Variants in GPC6 observed in about 807,000 individuals in gnomAD.
The protein encoded by GPC6 is glypican-6.
A neutral mutation model predicts 55.2 loss-of-function variants in GPC6; 14 were observed. That is an observed-to-expected ratio of 0.25 (90% CI 0.17 to 0.40). The LOEUF is 0.40. Ranked by LOEUF, GPC6 falls within the 10% of genes least tolerant of loss-of-function variation. The probability of loss-of-function intolerance (pLI) is 1.00; values close to 1 mark genes in which losing one functional copy is unlikely to be tolerated. For synonymous variants in GPC6, 278 were observed against 259.6 expected, an observed-to-expected ratio of 1.07 and a Z score of -0.68; for missense variants, 641 against 708.5, an observed-to-expected ratio of 0.90 and a Z score of 1.08.
chr13:94,372,401 G>A (rs1166937590), intron 6 of GPC6, among the ~76,000 whole-genome samples: 23 of 152,240 alleles, frequency 1.5e-4, no homozygotes, highest in Non-Finnish European at 4.4e-5. Flanking sequence ...CCTCACTTGG[G>A]AAGCGCAAGG....
Position 94,084,520 on chromosome 13 carries a change from G to T in GPC6, c.877+56626G>T, listed in dbSNP as rs1038917296. ...CCCAGGTGGACAGTTATGAAAGTGG[G>T]ATTTATATGCAAATGAATTCAAATG... On this transcript the variant is annotated intron_variant, in intron 4 of 8. Transcript: ENST00000377047. Among the ~76,000 whole-genome samples the T allele has an allele frequency of 2.6e-5, 4 of 152,220 alleles. No individual in the cohort carries two copies. In the East Asian group the frequency reaches 5.8e-4, roughly 22 times the overall value.
In GPC6 at chr13:93,243,045, G is replaced by A. The variant is rs117756164; in HGVS notation, c.160+15429G>A. Among the ~76,000 whole-genome samples the A allele has an allele frequency of 7.1e-3, 1,087 of 152,288 alleles. 3 individuals carry two copies. Among genetic ancestry groups the A allele is most frequent in the Middle Eastern group, 0.021 (6 of 292 alleles). ...AACAGGAAGGGACCCTGTTCGAGATGGTAGCCCAATATAATGCCCTCGAGA... is the reference window on the plus strand; with the variant it reads ...AACAGGAAGGGACCCTGTTCGAGATAGTAGCCCAATATAATGCCCTCGAGA... On this transcript the variant is annotated intron_variant, in intron 1 of 8. Coordinates refer to ENST00000377047, the MANE Select transcript of GPC6 (RefSeq NM_005708.5).
chr13:94,395,907 G>A (rs943227191), intron 7 of GPC6, among the ~76,000 whole-genome samples: 1 of 152,166 alleles, frequency 6.6e-6, no homozygotes, highest in Non-Finnish European at 1.5e-5. Context: ...CCCTCTACAA[G>A]CTATATCATC....
chr13:93,469,233 G>A (rs1156903883), intron 1 of GPC6, among the ~76,000 whole-genome samples: 1 of 151,980 alleles, frequency 6.6e-6, no homozygotes, highest in East Asian at 1.9e-4. Flanking sequence ...CAATAAAATT[G>A]TATTGTATTC....
chr13:93,916,629 A>AT (rs1229650620), intron 3 of GPC6, among the ~76,000 whole-genome samples: 3 of 152,064 alleles, frequency 2.0e-5, no homozygotes, highest in South Asian at 2.1e-4. Context: ...ATGAAAGCAG[A>AT]TTTTTTTTCT....
chr13:93,278,221 T>C (rs1201963506), intron 1 of GPC6, among the ~76,000 whole-genome samples: 3 of 152,200 alleles, frequency 2.0e-5, no homozygotes, highest in African/African-American at 7.2e-5. Flanking sequence ...TTCAGTTTCA[T>C]TGTGTGAGCT....
At chr13:93,452,513 G>A (rs981589011) in intron 1 of GPC6, among the ~76,000 whole-genome samples, 1 of 152,028 alleles carries the variant, frequency 6.6e-6, no homozygotes, top group East Asian at 1.9e-4. Flanking sequence ...TTTACATGAC[G>A]GTCATAATTA....
At chr13:93,542,698 A>C (rs191642778) in intron 1 of GPC6, among the ~76,000 whole-genome samples, 5,368 of 152,058 alleles carry the variant, frequency 0.035, 150 homozygotes, top group Middle Eastern at 0.058. Context: ...CTTTTATTTT[A>C]TTGAGCAGTG....
intron 5 of GPC6, among the ~76,000 whole-genome samples, chr13:94,298,059 A>G (rs564926781): frequency 1.3e-5 from 2 of 152,282 alleles, no homozygotes; most frequent in African/African-American, 4.8e-5. Flanking sequence ...ACTGACATTT[A>G]AAATGCCTTT....
At chr13:94,062,842 T>G (rs1314491594) in intron 4 of GPC6, among the ~76,000 whole-genome samples, 1 of 152,166 alleles carries the variant, frequency 6.6e-6, no homozygotes. Flanking sequence ...CTTACATATA[T>G]AGAGAGTGAG....
chr13:93,844,426 C>T (rs1888090679), intron 3 of GPC6, among the ~76,000 whole-genome samples: 1 of 152,206 alleles, frequency 6.6e-6, no homozygotes, highest in South Asian at 2.1e-4. Context: ...CATGAGCCAT[C>T]ACGCCTGGCC....
chr13:93,276,641 G>A (rs941014865), intron 1 of GPC6, among the ~76,000 whole-genome samples: 5 of 151,976 alleles, frequency 3.3e-5, no homozygotes, highest in African/African-American at 4.8e-5. Flanking sequence ...ACAAATATAG[G>A]GTGGGGGTAA....
intron 2 of GPC6, among the ~76,000 whole-genome samples, chr13:93,562,091 G>A (rs1479206193): frequency 6.6e-6 from 1 of 152,030 alleles, no homozygotes; most frequent in African/African-American, 2.4e-5. Context: ...TATGCTGAAA[G>A]TTAATTTGCT....
intron 1 of GPC6, among the ~76,000 whole-genome samples, chr13:93,487,548 G>C (rs1879774483): frequency 6.6e-6 from 1 of 152,018 alleles, no homozygotes; most frequent in Non-Finnish European, 1.5e-5. Context: ...TTTGGAGGAG[G>C]AACGAGGGGG....
At chr13:93,335,881 A>C (rs1880028241) in intron 1 of GPC6, among the ~76,000 whole-genome samples, 1 of 152,200 alleles carries the variant, frequency 6.6e-6, no homozygotes, top group African/African-American at 2.4e-5. Flanking sequence ...CAAATCTTTT[A>C]GACTGCCTTG....
chr13:93,547,806 ATC>A (rs1874911576), intron 2 of GPC6, among the ~76,000 whole-genome samples: 8 of 136,764 alleles, frequency 5.8e-5, no homozygotes, highest in African/African-American at 3.0e-4. Flanking sequence ...AATAATAATC[ATC>A]ATCATCATCA....
At chr13:93,308,191 A>G (rs959142939) in intron 1 of GPC6, among the ~76,000 whole-genome samples, 2 of 152,052 alleles carry the variant, frequency 1.3e-5, no homozygotes, top group Non-Finnish European at 2.9e-5. Context: ...AGGCTGAGGC[A>G]GGAGAATGGC....
chr13:94,288,780 A>ATATATAATAAATATATATATATTTGT (rs1874699308), intron 5 of GPC6, among the ~76,000 whole-genome samples: 2 of 61,914 alleles, frequency 3.2e-5, no homozygotes, highest in African/African-American at 2.0e-4. Flanking sequence ...TATATTTGTT[A>ATATATAATAAATATATATATATTTGT]TATATATAAT....
At chr13:93,389,324 C>G (rs188468262) in intron 1 of GPC6, among the ~76,000 whole-genome samples, 1 of 150,540 alleles carries the variant, frequency 6.6e-6, no homozygotes, top group Non-Finnish European at 1.5e-5. Flanking sequence ...AGTGAAACCC[C>G]GTCTCTACTA....
Sources: allele counts gnomAD v4.1 joint callset (sites outside exome capture counted in the v4.1 genomes callset), GRCh38; gene constraint gnomAD v4.1.1; transcripts MANE v1.5; gene names NCBI Gene and HGNC (gene_info 2026-07-23, HGNC 2026-07-21).